Variants in FGD3 observed in about 807,000 individuals in gnomAD.
The protein encoded by FGD3 is FYVE, RhoGEF and PH domain containing 3.
In FGD3, 45 loss-of-function variants were observed where a neutral mutation model predicts 71.8. The observed-to-expected ratio is 0.63, with a 90% CI of 0.49 to 0.80. The LOEUF (loss-of-function observed/expected upper bound fraction) is 0.80, where lower values mean the gene tolerates loss of function less well. Ranked by LOEUF, FGD3 falls within the 30% of genes least tolerant of loss-of-function variation. The pLI is 0.00. For synonymous variants in FGD3, 378 were observed against 392.8 expected (o/e 0.96, Z 0.44); for missense variants, 844 against 951.5 (o/e 0.89, Z 1.49).
chr9:92,998,059 A>T (rs1860716324), intron 3 of FGD3, among the ~76,000 whole-genome samples: 1 of 152,180 alleles, frequency 6.6e-6, no homozygotes, highest in Admixed American at 6.5e-5. Context: ...TATCCTGCAG[A>T]GTGTTTTCCA....
At chr9:93,018,455 A>G (rs1861788733) in intron 11 of FGD3, among the ~76,000 whole-genome samples, 2 of 152,196 alleles carry the variant, frequency 1.3e-5, no homozygotes, top group Admixed American at 1.3e-4. Context: ...TCTCAAATCC[A>G]TCTCCCTGAC....
In FGD3 at chr9:93,006,078, G is replaced by C. The variant is rs776391862; in HGVS notation, c.735G>C (p.Lys245Asn). Residue 245 changes from lysine (K) to asparagine (N), a missense_variant, in exon 6 of 18, where the codon AAG (lysine) becomes AAC (asparagine). Transcript: ENST00000375482. ...TGCAGAAGCTGGCCCCATTCCTGAA[G>C]ATGTACGGCGAGTATGTCAAGAACT... ...DILQKLAPFL[K>N]MYGEYVKNFD... is the part of the protein sequence containing the mutation. The C allele has an allele frequency of 6.2e-7, 1 of 1,613,314 alleles. No homozygotes were observed. Among genetic ancestry groups the C allele is most frequent in the East Asian group, 2.2e-5 (1 of 44,816 alleles).
chr9:92,952,280 G>A (rs576437996), intron 1 of FGD3, among the ~76,000 whole-genome samples: 5 of 142,066 alleles, frequency 3.5e-5, no homozygotes, highest in African/African-American at 5.3e-5. Flanking sequence ...TCTGTCGCCC[G>A]GGCTGGAGTG....
chr9:93,019,815 C>A lies in FGD3; in HGVS notation c.1356-16C>A. 1 of 1,613,240 alleles carries A rather than the reference C, an allele frequency of 6.2e-7. No individual in the cohort carries two copies. The highest frequency in any genetic ancestry group is 8.5e-7 in the Non-Finnish European group (1 of 1,179,340). ...ATCCAAGACTGGATTAATACAAGAC[C>A]GTTTTGGTTTTTTAGGACAGAGGAA... On this transcript the variant is annotated splice_polypyrimidine_tract_variant and intron_variant, in intron 11 of 17. Coordinates refer to ENST00000375482, the MANE Select transcript of FGD3 (RefSeq NM_001083536.2).
chr9:93,016,715 C>T (rs1182633118), intron 10 of FGD3, among the ~76,000 whole-genome samples: 1 of 149,316 alleles, frequency 6.7e-6, no homozygotes, highest in Non-Finnish European at 1.5e-5. Context: ...CCTCCACCTC[C>T]TAGGTTCAAG....
chr9:93,026,398 G>C (rs1321966589), intron 14 of FGD3, among the ~76,000 whole-genome samples: 1 of 152,176 alleles, frequency 6.6e-6, no homozygotes, highest in East Asian at 1.9e-4. Flanking sequence ...ATGGCCGAGA[G>C]AGCATCCCTC....
intron 1 of FGD3, among the ~76,000 whole-genome samples, chr9:92,955,810 G>T (rs1859041064): frequency 6.6e-6 from 1 of 152,138 alleles, no homozygotes; most frequent in African/African-American, 2.4e-5. Context: ...TTATATAAAC[G>T]GAGTCATATA....
In FGD3 at chr9:93,011,319, G is replaced by T. The variant is rs370359027; in HGVS notation, c.1035+47G>T. 252 of 1,611,156 alleles carry T rather than the reference G, an allele frequency of 1.6e-4. No individual in the cohort carries two copies. In the African/African-American group the frequency reaches 3.1e-3, roughly 20 times the overall value. On this transcript the variant is annotated intron_variant, in intron 8 of 17. Coordinates refer to ENST00000375482, the MANE Select transcript of FGD3 (RefSeq NM_001083536.2). ...CGACCGGCAGGGTGGTGCAGCAAGA[G>T]TGAGGGCCAGGGGCCCTTGTGGGCC...
intron 1 of FGD3, among the ~76,000 whole-genome samples, chr9:92,955,076 G>C (rs1174613660): frequency 6.6e-6 from 1 of 152,220 alleles, no homozygotes; most frequent in Non-Finnish European, 1.5e-5. Context: ...ACAGACGTGA[G>C]AGGCAAGGCC....
chr9:92,997,171 C>A (rs1164938802), intron 3 of FGD3, among the ~76,000 whole-genome samples: 1 of 152,142 alleles, frequency 6.6e-6, no homozygotes, highest in Non-Finnish European at 1.5e-5. Context: ...GTATTGGGTG[C>A]ATATATATTT....
At chr9:92,960,403 A>G (rs1859148403) in intron 1 of FGD3, among the ~76,000 whole-genome samples, 2 of 152,090 alleles carry the variant, frequency 1.3e-5, no homozygotes, top group African/African-American at 4.8e-5. Context: ...CCCAGAGCAG[A>G]GTTTGCCTTA....
At chr9:92,948,016 A>G (rs1376532512) in intron 1 of FGD3, among the ~76,000 whole-genome samples, 1 of 152,200 alleles carries the variant, frequency 6.6e-6, no homozygotes, top group African/African-American at 2.4e-5. Flanking sequence ...CGGCTCGGGA[A>G]CAGGATTCTC....
At chr9:92,991,426 A>G (rs1587836126) in intron 3 of FGD3, among the ~76,000 whole-genome samples, 1 of 152,068 alleles carries the variant, frequency 6.6e-6, no homozygotes, top group South Asian at 2.1e-4. Flanking sequence ...ATCATTCAGG[A>G]GCATGTTATT....
At chr9:93,030,107 G>GT in intron 15 of FGD3, 111 bp downstream of exon 15, 4 of 1,269,654 alleles carry the variant, frequency 3.2e-6, no homozygotes, top group Non-Finnish European at 4.3e-6. Context: ...AGCCCTGCAC[G>GT]GAAGGGCTTC....
Position 93,035,730 on chromosome 9 carries a change from G to A in FGD3, c.*141G>A, listed in dbSNP as rs1862576443. On this transcript the variant is annotated 3_prime_UTR_variant, in exon 18 of 18. Transcript: ENST00000375482. ...GAGCTCAGGACACTTGGCTTTGGGG[G>A]GAAGGAAACTGAGGCCCAGAGAGGG... The A allele has an allele frequency of 3.1e-6, 4 of 1,281,390 alleles. No individual in the cohort carries two copies. The highest frequency in any genetic ancestry group is 3.1e-5 in the Admixed American group (1 of 32,686). 79.4% of individuals were successfully genotyped at this position (1,281,390 alleles called of 1,614,324 possible).
At chr9:93,020,177 G>A in intron 12 of FGD3, 140 bp from the exon 13 acceptor site, 1 of 747,740 alleles carries the variant, frequency 1.3e-6, no homozygotes, top group Non-Finnish European at 2.1e-6. Flanking sequence ...TGGTAGGGGG[G>A]AAGGGAGATG....
intron 13 of FGD3, among the ~76,000 whole-genome samples, chr9:93,020,917 C>T (rs763425398): frequency 7.2e-5 from 11 of 152,234 alleles, no homozygotes; most frequent in Non-Finnish European, 1.3e-4. Flanking sequence ...CAGCGCCCAG[C>T]TGGGCGGGAA....
chr9:92,972,235 G>A (rs1859563628), intron 1 of FGD3, among the ~76,000 whole-genome samples: 1 of 151,260 alleles, frequency 6.6e-6, no homozygotes, highest in African/African-American at 2.4e-5. Context: ...GATCACTTGA[G>A]GTCAGGAGTT....
intron 14 of FGD3, among the ~76,000 whole-genome samples, chr9:93,026,915 C>T (rs1862135590): frequency 6.6e-6 from 1 of 152,244 alleles, no homozygotes; most frequent in African/African-American, 2.4e-5. Context: ...CACATCGGGG[C>T]TGCCCTTCCA....
Sources: allele counts gnomAD v4.1 joint callset (sites outside exome capture counted in the v4.1 genomes callset), GRCh38; gene constraint gnomAD v4.1.1; transcripts MANE v1.5; gene names NCBI Gene and HGNC (gene_info 2026-07-23, HGNC 2026-07-21).